The following GLYATL2 variants were observed in gnomAD, a reference collection of about 807,000 sequenced individuals.
GLYATL2 encodes the protein glycine-N-acyltransferase like 2.
A neutral mutation model predicts 21.4 loss-of-function variants in GLYATL2; 25 were observed. The observed-to-expected ratio is 1.17, with a 90% CI of 0.85 to 1.63. GLYATL2 has a LOEUF of 1.63. Among genes scored for constraint, GLYATL2 ranks in the 40% most tolerant of loss-of-function variants. The probability of loss-of-function intolerance (pLI) is 0.00; values close to 1 mark genes in which losing one functional copy is unlikely to be tolerated. For synonymous variants in GLYATL2, 114 were observed against 118.2 expected, an observed-to-expected ratio of 0.96 and a Z score of 0.23; for missense variants, 361 against 343.3, an observed-to-expected ratio of 1.05 and a Z score of -0.41.
intron 1 of GLYATL2, among the ~76,000 whole-genome samples, chr11:58,872,880 C>A (rs916492618): frequency 6.6e-6 from 1 of 152,086 alleles, no homozygotes; most frequent in Non-Finnish European, 1.5e-5. Context: ...TTGGGCAGTA[C>A]GGCCATTTTC....
intron 1 of GLYATL2, among the ~76,000 whole-genome samples, chr11:58,842,702 A>G (rs1853575797): frequency 6.6e-6 from 1 of 152,288 alleles, no homozygotes; most frequent in East Asian, 1.9e-4. Context: ...GTCTATGATA[A>G]TCATACAAAT....
chr11:58,903,008 T>C (rs1053297216), intron 1 of GLYATL2, among the ~76,000 whole-genome samples: 13 of 152,222 alleles, frequency 8.5e-5, no homozygotes, highest in African/African-American at 3.1e-4. Context: ...CCTATAGCTC[T>C]AGGTAGTTAG....
chr11:58,903,330 T>C (rs1854770984), intron 1 of GLYATL2, among the ~76,000 whole-genome samples: 1 of 152,076 alleles, frequency 6.6e-6, no homozygotes, highest in South Asian at 2.1e-4. Context: ...TTTGCCATGA[T>C]CTCTCTCTGT....
chr11:58,867,501 A>G (rs1387250896), intron 1 of GLYATL2, among the ~76,000 whole-genome samples: 1 of 148,810 alleles, frequency 6.7e-6, no homozygotes, highest in Non-Finnish European at 1.5e-5. Flanking sequence ...TGACCCCATG[A>G]TGGACCTGTA....
chr11:58,877,454 A>G (rs549249997), intron 1 of GLYATL2, among the ~76,000 whole-genome samples: 1 of 152,362 alleles, frequency 6.6e-6, no homozygotes, highest in South Asian at 2.1e-4. Context: ...TCATGGGACC[A>G]GATGGGATCA....
intron 1 of GLYATL2, among the ~76,000 whole-genome samples, chr11:58,896,448 C>A (rs1405558373): frequency 6.6e-6 from 1 of 152,182 alleles, no homozygotes; most frequent in East Asian, 1.9e-4. Flanking sequence ...ACTCTTAAAC[C>A]CACTCCTTTT....
At position 58,865,878 on chromosome 11, in the gene GLYATL2, C is replaced by A. The variant is rs1160124748; in HGVS notation, n.61-27510G>T. ...GAAAGACAAAGAAAATATTTAGGAGCAATAAAAGGAGTCCCCTATTACTTT... is the reference window on the plus strand; with the variant it reads ...GAAAGACAAAGAAAATATTTAGGAGAAATAAAAGGAGTCCCCTATTACTTT... On this transcript the variant is annotated intron_variant and non_coding_transcript_variant, in intron 1 of 4. Transcript: ENST00000533636. Among the ~76,000 whole-genome samples, 5 of 148,946 alleles carry A rather than the reference C, an allele frequency of 3.4e-5. 1 individual carries two copies. The highest frequency in any genetic ancestry group is 7.3e-5 in the African/African-American group (3 of 41,240).
intron 1 of GLYATL2, among the ~76,000 whole-genome samples, chr11:58,852,564 T>C (rs986619354): frequency 5.9e-5 from 9 of 152,162 alleles, no homozygotes; most frequent in African/African-American, 2.2e-4. Context: ...GAGCAGGAAA[T>C]TGAGATAGAG....
intron 1 of GLYATL2, among the ~76,000 whole-genome samples, chr11:58,874,623 T>C (rs1400556830): frequency 2.6e-5 from 4 of 152,354 alleles, no homozygotes; most frequent in Non-Finnish European, 2.9e-5. Flanking sequence ...TAATCCTGAG[T>C]TCTAGTTTGA....
intron 1 of GLYATL2, among the ~76,000 whole-genome samples, chr11:58,893,935 T>C (rs2134624137): frequency 6.6e-6 from 1 of 152,326 alleles, no homozygotes; most frequent in East Asian, 1.9e-4. Flanking sequence ...CCTCTTATTT[T>C]AGTGACTAGC....
At chr11:58,880,560 C>A (rs1389322820) in intron 1 of GLYATL2, among the ~76,000 whole-genome samples, 1 of 151,672 alleles carries the variant, frequency 6.6e-6, no homozygotes, top group East Asian at 1.9e-4. Flanking sequence ...AAGGAGAAGA[C>A]AATAGTAAAA....
At chr11:58,898,897 A>G (rs1214293541) in intron 1 of GLYATL2, among the ~76,000 whole-genome samples, 1 of 152,206 alleles carries the variant, frequency 6.6e-6, no homozygotes, top group African/African-American at 2.4e-5. Flanking sequence ...CTGATATAAT[A>G]TGTGAAGACT....
At chr11:58,871,543 T>C (rs1436087107) in intron 1 of GLYATL2, among the ~76,000 whole-genome samples, 2 of 151,910 alleles carry the variant, frequency 1.3e-5, no homozygotes, top group Admixed American at 6.6e-5. Flanking sequence ...GTTTGGTTTT[T>C]TGTCCTTGTG....
chr11:58,852,848 T>C (rs1452361218), intron 1 of GLYATL2, among the ~76,000 whole-genome samples: 1 of 152,166 alleles, frequency 6.6e-6, no homozygotes, highest in Admixed American at 6.6e-5. Flanking sequence ...GGGAACACAA[T>C]ATGGTCCTTA....
rs1455976473 is a variant in GLYATL2 at position 58,837,144 on chromosome 11, T to C, written c.347A>G (p.Lys116Arg). The change falls in exon 5 of 6, where the codon AAG (lysine) becomes AGG (arginine). Residue 116 changes from lysine to arginine, a missense_variant. Physicochemically the swap from Lys to Arg is conservative, Grantham distance 26. Transcript: ENST00000287275. ...CTGCACTGATTTTGAAGTTGCAACC[T>C]TTCTTATTGCTTCATCCAAGCCCTC... ...CQEGLDEAIRKVATSKSVQVD... is the reference protein window; with the variant it reads ...CQEGLDEAIRRVATSKSVQVD... The C allele has an allele frequency of 1.2e-6, 2 of 1,613,936 alleles. No homozygotes were observed. The highest frequency in any genetic ancestry group is 8.5e-7 in the Non-Finnish European group (1 of 1,179,888).
At chr11:58,840,824 G>A (rs1326145675) in intron 1 of GLYATL2, 2 of 124,720 alleles carry the variant, frequency 1.6e-5, no homozygotes, top group Admixed American at 8.4e-5. Flanking sequence ...GGGTGACAGT[G>A]TGAGACTCTA....
upstream of GLYATL2, chr11:58,908,052 A>G (rs1230132787): frequency 6.6e-6 from 1 of 152,456 alleles, no homozygotes; most frequent in Admixed American, 6.5e-5. Flanking sequence ...TGCATTGACC[A>G]AGCTGAAATC....
At chr11:58,877,266 C>T (rs1392822917) in intron 1 of GLYATL2, among the ~76,000 whole-genome samples, 1 of 152,216 alleles carries the variant, frequency 6.6e-6, no homozygotes, top group African/African-American at 2.4e-5. Context: ...CCTGCTTTGG[C>T]TCATGTATGG....
rs372567813 is a variant in GLYATL2 at position 58,891,881 on chromosome 11, A to C, written n.60+12275T>G. On this transcript the variant is annotated intron_variant and non_coding_transcript_variant, in intron 1 of 4. Transcript: ENST00000533636. ...GGTGCTCGGTGATGCTGTATATAAA[A>C]TAAGGTAAATGTGCAGTTGAGTGGG... Among the ~76,000 whole-genome samples the C allele has an allele frequency of 6.6e-5, 10 of 152,342 alleles. No individual in the cohort carries two copies. In the East Asian group the frequency reaches 1.7e-3, roughly 26 times the overall value.
Sources: gnomAD v4.1 joint callset for allele counts (sites outside exome capture counted in the v4.1 genomes callset) on GRCh38, gnomAD v4.1.1 for gene constraint, MANE v1.5 for transcripts, NCBI Gene and HGNC (gene_info 2026-07-23, HGNC 2026-07-21) for gene names.